AMOTL1: variants seen among roughly 807,000 people sequenced by gnomAD.
AMOTL1 encodes angiomotin like 1.
Under a neutral mutation model 102.9 loss-of-function variants are expected in AMOTL1, and 45 were observed. That is an observed-to-expected ratio of 0.44 (90% CI 0.34 to 0.56). The LOEUF (loss-of-function observed/expected upper bound fraction) is 0.56, where lower values mean the gene tolerates loss of function less well. Ranked by LOEUF, AMOTL1 falls within the 20% of genes least tolerant of loss-of-function variation. AMOTL1 has a pLI of 0.01. For synonymous variants in AMOTL1, 481 were observed against 484.7 expected (o/e 0.99, Z 0.10); for missense variants, 1,114 against 1,225.6 (o/e 0.91, Z 1.36).
chr11:94,725,570 A>G (rs1950244726), intron 1 of AMOTL1, among the ~76,000 whole-genome samples: 1 of 152,186 alleles, frequency 6.6e-6, no homozygotes, highest in Admixed American at 6.5e-5. Flanking sequence ...AACTATAGAT[A>G]TATTAACAGA....
At chr11:94,710,023 G>T (rs1204050368) in intron 1 of AMOTL1, among the ~76,000 whole-genome samples, 1 of 152,110 alleles carries the variant, frequency 6.6e-6, no homozygotes, top group East Asian at 1.9e-4. Flanking sequence ...AATAAAATCA[G>T]GGAAAAAACA....
intron 2 of AMOTL1, chr11:94,740,122 A>C (rs541935005): frequency 6.6e-6 from 1 of 152,396 alleles, no homozygotes; most frequent in African/African-American, 2.4e-5. Flanking sequence ...CACTTGAGCC[A>C]GGTGATCTCT....
Position 94,870,866 on chromosome 11 carries a change from C to A in AMOTL1, c.*71C>A. 7.6e-7 allele frequency: 1 copy of A among 1,309,638 alleles called. No homozygotes were observed. The highest frequency in any genetic ancestry group is 1.0e-6 in the Non-Finnish European group (1 of 952,434). 81.1% of individuals were successfully genotyped at this position (1,309,638 alleles called of 1,614,324 possible). A position where few individuals can be genotyped will look rare whatever the true frequency, so the allele number is the denominator to read the frequency against. On this transcript the variant is annotated 3_prime_UTR_variant, in exon 13 of 13. Transcript: ENST00000433060. ...AAAGCGGCAGAGAAAGAAGAAAGAC[C>A]TAGAAGGTTGTAGATGGGAAATCAG...
At chr11:94,865,804 A>G (rs1014128227) in intron 10 of AMOTL1, 138 bp from the exon 11 acceptor site, 1 of 722,302 alleles carries the variant, frequency 1.4e-6, no homozygotes, top group African/African-American at 1.8e-5. Flanking sequence ...GGAGATTATC[A>G]ACATTTGAAG....
At chr11:94,827,251 A>C (rs1951985297) in intron 4 of AMOTL1, among the ~76,000 whole-genome samples, 1 of 152,192 alleles carries the variant, frequency 6.6e-6, no homozygotes, top group Admixed American at 6.5e-5. Context: ...AATCAGACCA[A>C]GAGAAGGGTC....
chr11:94,799,689 G>T lies in AMOTL1; in HGVS notation c.499G>T (p.Val167Leu). ...RQEPQGQEHQ[V>L]DNTVMEKQVR... ...AGAACCGCAGGGTCAAGAACACCAGGTGGACAATACGGTGATGGAGAAACA... is the reference window on the plus strand; with the variant it reads ...AGAACCGCAGGGTCAAGAACACCAGTTGGACAATACGGTGATGGAGAAACA... The change falls in exon 3 of 13, where the codon GTG becomes TTG. Residue 167 changes from valine (V) to leucine (L), a missense_variant. Coordinates refer to ENST00000433060, the MANE Select transcript of AMOTL1 (RefSeq NM_130847.3). The surrounding 1 kb of genome is among the most constrained non-coding windows in gnomAD (Gnocchi z 4.5). 1 of 1,613,944 alleles carries T rather than the reference G, an allele frequency of 6.2e-7. No homozygotes were observed. Among genetic ancestry groups the T allele is most frequent in the Non-Finnish European group, 8.5e-7 (1 of 1,179,894 alleles).
Position 94,845,002 on chromosome 11 carries a change from G to T in AMOTL1, c.1649-5112G>T, listed in dbSNP as rs1033953872. Among the ~76,000 whole-genome samples, 35 of 152,324 alleles carry T rather than the reference G, an allele frequency of 2.3e-4. No individual in the cohort carries two copies. In the East Asian group the frequency reaches 6.0e-3, roughly 26 times the overall value. ...CTATGTAGGAAGTGCTGGCTTACAG[G>T]TTTGCTGTCCTCAGAAGCCCCAGCC... On this transcript the variant is annotated intron_variant, in intron 6 of 12. Transcript: ENST00000433060.
At chr11:94,736,154 G>A (rs549332218) in intron 2 of AMOTL1, among the ~76,000 whole-genome samples, 5 of 152,142 alleles carry the variant, frequency 3.3e-5, no homozygotes, top group Non-Finnish European at 7.4e-5. Flanking sequence ...TGTCTGCTGG[G>A]GCCATGGCAG....
intron 2 of AMOTL1, among the ~76,000 whole-genome samples, chr11:94,796,182 T>A (rs1252904488): frequency 6.6e-6 from 1 of 152,196 alleles, no homozygotes; most frequent in Non-Finnish European, 1.5e-5. Flanking sequence ...AGGGATAAAT[T>A]TCAGTTTATT....
intron 7 of AMOTL1, among the ~76,000 whole-genome samples, chr11:94,850,585 C>T (rs1437907477): frequency 8.5e-5 from 13 of 152,298 alleles, no homozygotes; most frequent in East Asian, 7.7e-4. Flanking sequence ...GAAATCAACC[C>T]GTTAGCTTAA....
At chr11:94,785,673 T>C (rs2566895) in intron 1 of AMOTL1, among the ~76,000 whole-genome samples, 148,241 of 152,262 alleles carry the variant, frequency 0.97, 72,277 homozygotes, top group Middle Eastern at 1. Context: ...GCCTGACAGA[T>C]ATCCCAGTGT....
chr11:94,856,825 T>C (rs1952676297), intron 8 of AMOTL1, among the ~76,000 whole-genome samples: 1 of 152,200 alleles, frequency 6.6e-6, no homozygotes, highest in Non-Finnish European at 1.5e-5. Context: ...TGAAGAGACT[T>C]TTGAGAGCAC....
intron 6 of AMOTL1, among the ~76,000 whole-genome samples, chr11:94,836,047 C>T (rs1313057966): frequency 6.6e-6 from 1 of 152,180 alleles, no homozygotes; most frequent in African/African-American, 2.4e-5. Flanking sequence ...TTTTCTGTCT[C>T]TTATAGAACT....
rs935701657 is a variant in AMOTL1 at position 94,872,960 on chromosome 11, T to G, written c.*2165T>G. 1 of 152,122 alleles carries G rather than the reference T, an allele frequency of 6.6e-6. No homozygotes were observed. 9.4% of individuals were successfully genotyped at this position (152,122 alleles called of 1,614,324 possible). A position where few individuals can be genotyped will look rare whatever the true frequency, so the allele number is the denominator to read the frequency against. Reference sequence around the variant, plus strand: ...TCTCTTAAGGACATTTTGACCCCAGTTTATGTTGGGGATGGACCAGAAAGG... The same window carrying G: ...TCTCTTAAGGACATTTTGACCCCAGGTTATGTTGGGGATGGACCAGAAAGG... On this transcript the variant is annotated 3_prime_UTR_variant, in exon 13 of 13. Coordinates refer to ENST00000433060, the MANE Select transcript of AMOTL1 (RefSeq NM_130847.3).
At chr11:94,775,227 C>G (rs1244122445) in intron 1 of AMOTL1, among the ~76,000 whole-genome samples, 1 of 152,114 alleles carries the variant, frequency 6.6e-6, no homozygotes, top group African/African-American at 2.4e-5. Context: ...TTCATTGCTA[C>G]TTGGGGGACT....
chr11:94,870,832 C>T lies in AMOTL1; in HGVS notation c.*37C>T. On this transcript the variant is annotated 3_prime_UTR_variant, in exon 13 of 13. Transcript: ENST00000433060. ...GTGGAATTTCAGTACAGAACACTGA[C>T]AAACAAGGAAAGCGGCAGAGAAAGA... 1.3e-6 allele frequency: 2 copies of T among 1,508,122 alleles called. No individual in the cohort carries two copies. Among genetic ancestry groups the T allele is most frequent in the Non-Finnish European group, 1.8e-6 (2 of 1,110,210 alleles). 93.4% of individuals were successfully genotyped at this position (1,508,122 alleles called of 1,614,324 possible). A position where few individuals can be genotyped will look rare whatever the true frequency, so the allele number is the denominator to read the frequency against.
chr11:94,728,618 T>G (rs1022716158), intron 1 of AMOTL1, among the ~76,000 whole-genome samples: 1 of 152,132 alleles, frequency 6.6e-6, no homozygotes, highest in Non-Finnish European at 1.5e-5. Flanking sequence ...TCCCACTATA[T>G]CCTGCCCTGA....
chr11:94,769,533 C>G (rs1432727215), intron 1 of AMOTL1, among the ~76,000 whole-genome samples: 1 of 152,226 alleles, frequency 6.6e-6, no homozygotes. Flanking sequence ...GCGCCTCGCC[C>G]ACCCTACTCT....
At chr11:94,716,921 A>G (rs1433663814) in intron 1 of AMOTL1, among the ~76,000 whole-genome samples, 1 of 152,128 alleles carries the variant, frequency 6.6e-6, no homozygotes, top group Non-Finnish European at 1.5e-5. Context: ...TGGTCCTGCC[A>G]CAGATCAGCA....
Sources: allele counts gnomAD v4.1 joint callset (sites outside exome capture counted in the v4.1 genomes callset), GRCh38; gene constraint gnomAD v4.1.1; non-coding constraint Gnocchi (gnomAD v3.1); transcripts MANE v1.5; gene names NCBI Gene and HGNC (gene_info 2026-07-23, HGNC 2026-07-21).